Variants in RORB observed in about 807,000 individuals in gnomAD.
RORB encodes the protein nuclear receptor ROR-beta.
A neutral mutation model predicts 59.1 loss-of-function variants in RORB; 6 were observed. The ratio of observed to expected loss-of-function variants is 0.10; its 90% CI spans 0.06 to 0.20. The LOEUF (loss-of-function observed/expected upper bound fraction) is 0.20. Among genes scored for constraint, RORB ranks in the 10% least tolerant of loss-of-function variants. The pLI is 1.00. For missense variants in RORB, 320 were observed against 560.5 expected (o/e 0.57, Z 4.33); for synonymous variants, 215 against 204.5 (o/e 1.05, Z -0.44).
At chr9:74,532,860 ATG>A (rs1554665003) in intron 1 of RORB, among the ~76,000 whole-genome samples, 3 of 31,356 alleles carry the variant, frequency 9.6e-5, no homozygotes, top group African/African-American at 2.1e-4. Flanking sequence ...ACACATATAT[ATG>A]TGTGTGTGTG....
At chr9:74,525,137 G>A (rs1164615456) in intron 1 of RORB, among the ~76,000 whole-genome samples, 2 of 151,808 alleles carry the variant, frequency 1.3e-5, no homozygotes, top group South Asian at 2.1e-4. Flanking sequence ...GACAATATTA[G>A]ACTCTTGATT....
rs561650782 is a variant in RORB at position 74,685,270 on chromosome 9, G to A, written c.1225-193G>A. Among the ~76,000 whole-genome samples, 134 of 151,442 alleles carry A rather than the reference G, an allele frequency of 8.8e-4. 2 individuals are homozygous for A. The highest frequency in any genetic ancestry group is 3.2e-3 in the African/African-American group (130 of 41,238). On this transcript the variant is annotated intron_variant, in intron 9 of 9. Transcript: ENST00000376896. ...ATTTTTCCTTTAGGAGATGGTGTCC[G>A]GGGGGGCGGGGGTGGGTACGTTTTA...
intron 8 of RORB, among the ~76,000 whole-genome samples, chr9:74,668,562 G>A (rs1348365535): frequency 1.3e-5 from 2 of 152,164 alleles, no homozygotes; most frequent in African/African-American, 2.4e-5. Flanking sequence ...ATAAACAGTC[G>A]ATTGACACAT....
At chr9:74,611,670 A>G (rs147289917) in intron 1 of RORB, among the ~76,000 whole-genome samples, 2 of 152,112 alleles carry the variant, frequency 1.3e-5, no homozygotes, top group African/African-American at 2.4e-5. Flanking sequence ...TGTTTTTGAG[A>G]TGGAGTTTCG....
At chr9:74,595,551 G>A (rs552863875) in intron 1 of RORB, among the ~76,000 whole-genome samples, 1 of 152,324 alleles carries the variant, frequency 6.6e-6, no homozygotes, top group East Asian at 1.9e-4. Flanking sequence ...TTAGATCGAT[G>A]AGGTGGAGAG....
In RORB at chr9:74,497,823, CA is replaced by C; in HGVS notation, c.-153del. Reference sequence around the variant, plus strand: ...GGCGGCGGCGGCAAACGTCACCCTGCAGCCACGGCGTCCGCCTAAAGGGATG... The same window carrying C: ...GGCGGCGGCGGCAAACGTCACCCTGCGCCACGGCGTCCGCCTAAAGGGATG... On this transcript the variant is annotated 5_prime_UTR_variant, in exon 1 of 10. Transcript: ENST00000376896. 2.5e-6 allele frequency: 2 copies of C among 810,326 alleles called. No homozygotes were observed. The highest frequency in any genetic ancestry group is 4.0e-6 in the Non-Finnish European group (2 of 505,612). The allele number at this position is 810,326 out of a possible 1,614,324, so 50.2% of individuals were successfully genotyped here.
chr9:74,647,239 T>C (rs1399364928), intron 4 of RORB, among the ~76,000 whole-genome samples: 2 of 152,180 alleles, frequency 1.3e-5, no homozygotes, highest in African/African-American at 4.8e-5. Context: ...CTAAAAGATG[T>C]TCCGCAAACA....
chr9:74,560,987 G>T (rs1822389077), intron 1 of RORB, among the ~76,000 whole-genome samples: 1 of 152,012 alleles, frequency 6.6e-6, no homozygotes, highest in Non-Finnish European at 1.5e-5. Flanking sequence ...CTATAGTGTG[G>T]GTAAGAAGCA....
intron 1 of RORB, among the ~76,000 whole-genome samples, chr9:74,574,513 AAAAT>A (rs1380380546): frequency 2.0e-5 from 3 of 152,136 alleles, no homozygotes; most frequent in African/African-American, 4.8e-5. Context: ...GGAGCTCTAA[AAAAT>A]AAATAAATAA....
intron 1 of RORB, among the ~76,000 whole-genome samples, chr9:74,582,331 T>C (rs1343888661): frequency 6.6e-6 from 1 of 152,152 alleles, no homozygotes; most frequent in East Asian, 1.9e-4. Context: ...GCTTTTCCTA[T>C]GTGTACAATA....
chr9:74,665,457 T>C (rs1481229287), intron 6 of RORB, 31 bp from the exon 7 acceptor site: 1 of 1,349,534 alleles, frequency 7.4e-7, no homozygotes. Context: ...TGTATTTTTA[T>C]TTTATTTTTA....
chr9:74,684,298 G>C (rs1046625064), intron 9 of RORB, among the ~76,000 whole-genome samples: 1 of 152,150 alleles, frequency 6.6e-6, no homozygotes, highest in Non-Finnish European at 1.5e-5. Flanking sequence ...ATGGATTCTT[G>C]TTATTGAATA....
intron 1 of RORB, among the ~76,000 whole-genome samples, chr9:74,571,467 G>A (rs1444730216): frequency 6.6e-6 from 1 of 150,626 alleles, no homozygotes; most frequent in African/African-American, 2.4e-5. Flanking sequence ...TCCAAAAAAA[G>A]GGTAGAATTC....
At chr9:74,666,491 C>T (rs907469619) in intron 7 of RORB, among the ~76,000 whole-genome samples, 1 of 150,974 alleles carries the variant, frequency 6.6e-6, no homozygotes, top group African/African-American at 2.4e-5. Context: ...AAGAAATAAC[C>T]GGAGGCTGAT....
At chr9:74,607,058 G>A (rs940520811) in intron 1 of RORB, among the ~76,000 whole-genome samples, 1 of 152,148 alleles carries the variant, frequency 6.6e-6, no homozygotes, top group African/African-American at 2.4e-5. Context: ...GGTCCCAGGT[G>A]CAGCAGCTTA....
chr9:74,676,075 C>A (rs898115006), intron 9 of RORB, among the ~76,000 whole-genome samples: 4 of 152,168 alleles, frequency 2.6e-5, no homozygotes, highest in Admixed American at 6.5e-5. Flanking sequence ...AGTGTGCTCA[C>A]GGCCAAGACC....
intron 1 of RORB, among the ~76,000 whole-genome samples, chr9:74,534,007 G>A (rs534651559): frequency 7.9e-5 from 12 of 152,108 alleles, no homozygotes; most frequent in Admixed American, 4.6e-4. Context: ...CAGGATAGCC[G>A]TTCTATGACG....
chr9:74,615,374 T>G (rs1823295380), intron 1 of RORB, among the ~76,000 whole-genome samples: 1 of 152,168 alleles, frequency 6.6e-6, no homozygotes, highest in Non-Finnish European at 1.5e-5. Context: ...ATAAGTAGCA[T>G]CAAAAAGAAA....
intron 1 of RORB, among the ~76,000 whole-genome samples, chr9:74,594,160 A>G (rs1022090402): frequency 4.6e-5 from 7 of 152,182 alleles, no homozygotes; most frequent in African/African-American, 1.7e-4. Flanking sequence ...TACTTAGCAT[A>G]ATGTCAATTG....
Sources: allele counts gnomAD v4.1 joint callset (sites outside exome capture counted in the v4.1 genomes callset), GRCh38; gene constraint gnomAD v4.1.1; transcripts MANE v1.5; gene names NCBI Gene and HGNC (gene_info 2026-07-23, HGNC 2026-07-21).